TMEM232: variants seen among roughly 807,000 people sequenced by gnomAD.
TMEM232 encodes transmembrane protein 232.
A neutral mutation model predicts 78.8 loss-of-function variants in TMEM232; 80 were observed. That is an observed-to-expected ratio of 1.01 (90% CI 0.85 to 1.22). The LOEUF is 1.22. Ranked by LOEUF, TMEM232 falls within the 50% of genes most tolerant of loss-of-function variation. TMEM232 has a pLI of 0.00. For synonymous variants in TMEM232, 297 were observed against 254.3 expected (o/e 1.17, Z -1.60); for missense variants, 881 against 742.2 (o/e 1.19, Z -2.17).
chr5:110,554,555 GA>G (rs1774850814), intron 11 of TMEM232, among the ~76,000 whole-genome samples: 1 of 152,062 alleles, frequency 6.6e-6, no homozygotes, highest in South Asian at 2.1e-4. Flanking sequence ...GATGTGCTAG[GA>G]TTGTATTTTG....
At chr5:110,592,970 T>A (rs941726811) in intron 10 of TMEM232, among the ~76,000 whole-genome samples, 2 of 152,212 alleles carry the variant, frequency 1.3e-5, no homozygotes, top group African/African-American at 4.8e-5. Context: ...TACAAGTATC[T>A]AGGTGGCTAG....
intron 1 of TMEM232, among the ~76,000 whole-genome samples, chr5:110,669,269 T>C (rs1791039830): frequency 6.6e-6 from 1 of 151,880 alleles, no homozygotes; most frequent in African/African-American, 2.4e-5. Context: ...AAGAATCAAA[T>C]AGATGCAATA....
intron 10 of TMEM232, among the ~76,000 whole-genome samples, chr5:110,587,018 T>G (rs902544975): frequency 2.0e-5 from 3 of 151,996 alleles, no homozygotes; most frequent in African/African-American, 7.2e-5. Flanking sequence ...AAATCGCAAG[T>G]TATAAAAAGA....
At chr5:110,695,170 A>G (rs1414724032) in intron 1 of TMEM232, among the ~76,000 whole-genome samples, 1 of 152,244 alleles carries the variant, frequency 6.6e-6, no homozygotes, top group African/African-American at 2.4e-5. Flanking sequence ...ACTCAACTAC[A>G]TGGAAACTGA....
At chr5:110,650,142 T>A (rs1788094420) in intron 2 of TMEM232, among the ~76,000 whole-genome samples, 1 of 152,068 alleles carries the variant, frequency 6.6e-6, no homozygotes, top group African/African-American at 2.4e-5. Flanking sequence ...ATAATATTTA[T>A]CTTTGTTCAT....
intron 10 of TMEM232, among the ~76,000 whole-genome samples, chr5:110,582,347 T>C (rs1463311985): frequency 6.6e-6 from 1 of 151,856 alleles, no homozygotes; most frequent in Non-Finnish European, 1.5e-5. Flanking sequence ...AATGAAATAA[T>C]ATCGTTTATG....
At chr5:110,425,234 T>A (rs1757106546) in intron 12 of TMEM232, among the ~76,000 whole-genome samples, 1 of 151,952 alleles carries the variant, frequency 6.6e-6, no homozygotes. Context: ...CTGAAAAAAA[T>A]GATGTGATTT....
chr5:110,423,547 A>G (rs1756900425), intron 13 of TMEM232, among the ~76,000 whole-genome samples: 1 of 152,190 alleles, frequency 6.6e-6, no homozygotes. Context: ...CCGCACATCA[A>G]ACAATTTGGA....
At chr5:110,667,142 C>G in intron 2 of TMEM232, 86 bp downstream of exon 2, 1 of 1,108,736 alleles carries the variant, frequency 9.0e-7, no homozygotes, top group South Asian at 1.8e-5. Flanking sequence ...GGTTAGAGAA[C>G]TATGGGTGAA....
At chr5:110,516,330 T>C (rs1273019502) in intron 12 of TMEM232, among the ~76,000 whole-genome samples, 1 of 152,098 alleles carries the variant, frequency 6.6e-6, no homozygotes. Context: ...ATGCAAATAA[T>C]TAGTTGTTTA....
chr5:110,448,620 A>G (rs1759923877), intron 12 of TMEM232, among the ~76,000 whole-genome samples: 1 of 152,048 alleles, frequency 6.6e-6, no homozygotes, highest in Admixed American at 6.6e-5. Flanking sequence ...GGGTCTTAAC[A>G]TATATATTAT....
intron 3 of TMEM232, among the ~76,000 whole-genome samples, chr5:110,391,071 C>T (rs544884088): frequency 7.2e-4 from 110 of 152,232 alleles, no homozygotes; most frequent in African/African-American, 2.6e-3. Flanking sequence ...TTTATTAGTT[C>T]GTATATGTGT....
At chr5:110,473,808 A>C (rs1427528005) in intron 12 of TMEM232, among the ~76,000 whole-genome samples, 2 of 147,542 alleles carry the variant, frequency 1.4e-5, no homozygotes, top group Middle Eastern at 3.2e-3. Context: ...AGTCAAATTC[A>C]AAAAAAAAGA....
intron 12 of TMEM232, among the ~76,000 whole-genome samples, chr5:110,440,237 A>G (rs944076155): frequency 2.0e-5 from 3 of 152,120 alleles, no homozygotes; most frequent in Admixed American, 2.0e-4. Flanking sequence ...TGTAACTTCT[A>G]TTTTTAATAT....
At chr5:110,529,999 A>T (rs1395948988) in intron 11 of TMEM232, among the ~76,000 whole-genome samples, 1 of 152,200 alleles carries the variant, frequency 6.6e-6, no homozygotes, top group Non-Finnish European at 1.5e-5. Context: ...GCTCATTACT[A>T]GTGACTCAGG....
intron 12 of TMEM232, among the ~76,000 whole-genome samples, chr5:110,454,848 A>C (rs1458811766): frequency 2.0e-5 from 3 of 151,970 alleles, no homozygotes; most frequent in African/African-American, 7.2e-5. Context: ...GAGGTGCATT[A>C]ATCAATGAAA....
chr5:110,706,447 T>C (rs961921405), intron 1 of TMEM232, among the ~76,000 whole-genome samples: 2 of 152,140 alleles, frequency 1.3e-5, no homozygotes, highest in African/African-American at 4.8e-5. Flanking sequence ...ATGTTATAAA[T>C]GCTGCAAAGG....
At chr5:110,728,837 C>T (rs928751775), upstream of TMEM232, among the ~76,000 whole-genome samples, 2 of 123,418 alleles carry the variant, frequency 1.6e-5, no homozygotes, top group Non-Finnish European at 3.3e-5. Context: ...TGCCTACTTG[C>T]CCAGTTTTTT....
At chr5:110,494,480 T>C (rs1358997017) in intron 12 of TMEM232, among the ~76,000 whole-genome samples, 1 of 152,030 alleles carries the variant, frequency 6.6e-6, no homozygotes. Context: ...CAATGGGAAG[T>C]CTTATAAATG....
Sources: allele counts gnomAD v4.1 joint callset (sites outside exome capture counted in the v4.1 genomes callset), GRCh38; gene constraint gnomAD v4.1.1; transcripts MANE v1.5; gene names NCBI Gene and HGNC (gene_info 2026-07-23, HGNC 2026-07-21).